Variants in LRP2 observed in about 807,000 individuals in gnomAD.
The protein encoded by LRP2 is LDL receptor related protein 2, also known as low-density lipoprotein receptor-related protein 2.
A neutral mutation model predicts 531.0 loss-of-function variants in LRP2; 172 were observed. The ratio of observed to expected loss-of-function variants is 0.32; its 90% CI spans 0.29 to 0.37. The LOEUF is 0.37. Ranked by LOEUF, LRP2 falls within the 10% of genes least tolerant of loss-of-function variation. The probability of loss-of-function intolerance (pLI) is 1.00; values close to 1 mark genes in which losing one functional copy is unlikely to be tolerated. For synonymous variants in LRP2, 1,992 were observed against 2,027.6 expected (o/e 0.98, Z 0.47); for missense variants, 5,167 against 5,868.3 (o/e 0.88, Z 3.90).
chr2:169,234,318 C>A (rs1689522885), intron 29 of LRP2, among the ~76,000 whole-genome samples: 1 of 151,982 alleles, frequency 6.6e-6, no homozygotes, highest in Admixed American at 6.6e-5. Context: ...ACTGACAGGC[C>A]CCGGTGTGTG....
At chr2:169,304,892 G>C (rs978612922) in intron 4 of LRP2, among the ~76,000 whole-genome samples, 22 of 152,056 alleles carry the variant, frequency 1.4e-4, no homozygotes, top group African/African-American at 5.1e-4. Context: ...CCCTAAAAAG[G>C]AACAAGTTCA....
intron 50 of LRP2, among the ~76,000 whole-genome samples, chr2:169,184,789 G>A (rs6744155): frequency 0.71 from 107,519 of 151,374 alleles, 38,432 homozygotes; most frequent in South Asian, 0.81. Context: ...TTGAGAAAGG[G>A]TCTCACTCTG....
chr2:169,142,580 T>C (rs1685761827), intron 71 of LRP2, 94 bp downstream of exon 71: 1 of 1,577,006 alleles, frequency 6.3e-7, no homozygotes, highest in South Asian at 1.1e-5. Context: ...CCCACTCTGC[T>C]GCAAAGGACC....
chr2:169,173,324 T>G (rs1467291537), intron 56 of LRP2, 100 bp from the exon 57 acceptor site: 7 of 1,463,956 alleles, frequency 4.8e-6, no homozygotes, highest in Non-Finnish European at 6.6e-6. Flanking sequence ...ACAATGACCA[T>G]GTTACCAAGC....
rs574814746 is a variant in LRP2 at position 169,226,090 on chromosome 2, C to T, written c.5394+332G>A. On this transcript the variant is annotated intron_variant, in intron 32 of 78. Coordinates refer to ENST00000649046, the MANE Select transcript of LRP2 (RefSeq NM_004525.3). ...ACTCCTCTAGGGGCAAGCATTGTGA[C>T]TGCTGCTTCTTGGCATGTATTCTGT... Among the ~76,000 whole-genome samples the T allele has an allele frequency of 1.9e-3, 288 of 152,342 alleles. 1 individual carries two copies. The highest frequency in any genetic ancestry group is 6.8e-3 in the Middle Eastern group (2 of 294).
intron 62 of LRP2, 31 bp from the exon 63 acceptor site, chr2:169,162,631 C>CT (rs1414123161): frequency 1.2e-6 from 2 of 1,612,642 alleles, no homozygotes; most frequent in African/African-American, 2.7e-5. Flanking sequence ...AAAATCAAAA[C>CT]TTTTTCTTTT....
At chr2:169,328,040 C>T (rs534143762) in intron 1 of LRP2, among the ~76,000 whole-genome samples, 5 of 142,498 alleles carry the variant, frequency 3.5e-5, no homozygotes, top group Admixed American at 2.7e-4. Context: ...CCTGCCCGGC[C>T]AGCCGCCCCG....
Position 169,185,633 on chromosome 2 carries a change from T to C in LRP2, c.9715A>G (p.Lys3239Glu), listed in dbSNP as rs1490907656. 2 of 1,614,190 alleles carry C rather than the reference T, an allele frequency of 1.2e-6. No individual in the cohort carries two copies. The highest frequency in any genetic ancestry group is 2.2e-5 in the East Asian group (1 of 44,886). ...VVALDFDRVE[K>E]RLYWIDTQRQ... Reference sequence around the variant, plus strand: ...TGTGTATCAATCCAATACAATCTCTTCTCTACTCGGTCAAAATCTAATGCC... The same window carrying C: ...TGTGTATCAATCCAATACAATCTCTCCTCTACTCGGTCAAAATCTAATGCC... The change falls in exon 50 of 79, where the codon AAG becomes GAG. Residue 3239 changes from lysine (K) to glutamate (E), a missense_variant. Coordinates refer to ENST00000649046, the MANE Select transcript of LRP2 (RefSeq NM_004525.3).
chr2:169,169,397 T>C (rs558751378), intron 60 of LRP2, among the ~76,000 whole-genome samples: 1 of 152,372 alleles, frequency 6.6e-6, no homozygotes, highest in Admixed American at 6.5e-5. Context: ...TGAATATTTT[T>C]TTACCTGAAA....
At chr2:169,295,965 A>G (rs1332421783) in intron 4 of LRP2, among the ~76,000 whole-genome samples, 1 of 152,042 alleles carries the variant, frequency 6.6e-6, no homozygotes, top group Non-Finnish European at 1.5e-5. Flanking sequence ...TTGAGTCTCA[A>G]TTTTGCACTT....
At chr2:169,278,483 C>CA (rs879544634) in intron 12 of LRP2, among the ~76,000 whole-genome samples, 352 of 145,978 alleles carry the variant, frequency 2.4e-3, no homozygotes, top group African/African-American at 6.7e-3. Context: ...GAACCTGTCT[C>CA]AAAAAAAAAA....
At chr2:169,344,194 C>T (rs1437844125) in intron 1 of LRP2, among the ~76,000 whole-genome samples, 7 of 152,004 alleles carry the variant, frequency 4.6e-5, no homozygotes, top group Admixed American at 1.3e-4. Flanking sequence ...TAAGCATGCA[C>T]ATGCCATGGT....
At chr2:169,244,548 T>C in intron 22 of LRP2, 145 bp downstream of exon 22, 1 of 1,104,794 alleles carries the variant, frequency 9.1e-7, no homozygotes, top group Admixed American at 1.9e-5. Flanking sequence ...TGTAACCTAT[T>C]GACACAGAGA....
chr2:169,190,603 T>A (rs982984810), intron 48 of LRP2, among the ~76,000 whole-genome samples: 11 of 152,204 alleles, frequency 7.2e-5, no homozygotes, highest in African/African-American at 2.2e-4. Flanking sequence ...ACTTAGTATA[T>A]CTTTCCCACT....
intron 4 of LRP2, among the ~76,000 whole-genome samples, chr2:169,296,916 A>G (rs997252272): frequency 1.3e-5 from 2 of 152,088 alleles, no homozygotes; most frequent in African/African-American, 4.8e-5. Context: ...TGACTTTTGG[A>G]ATGAGGAACA....
At chr2:169,308,778 G>C (rs1371808140) in intron 3 of LRP2, among the ~76,000 whole-genome samples, 1 of 152,142 alleles carries the variant, frequency 6.6e-6, no homozygotes, top group Non-Finnish European at 1.5e-5. Flanking sequence ...TCTAGTTCTA[G>C]ATCCTTGAGG....
chr2:169,296,295 G>A (rs938921721), intron 4 of LRP2, among the ~76,000 whole-genome samples: 9 of 152,000 alleles, frequency 5.9e-5, no homozygotes, highest in African/African-American at 2.2e-4. Flanking sequence ...TTAAATAGCT[G>A]GTTAAAATTT....
intron 46 of LRP2, among the ~76,000 whole-genome samples, chr2:169,196,206 T>C (rs1206205907): frequency 6.6e-6 from 1 of 152,128 alleles, no homozygotes; most frequent in East Asian, 1.9e-4. Context: ...TGTGGCTGCA[T>C]TTGAGTAAAA....
rs73971316 is a variant in LRP2, at chr2:169,201,488, C to A, written c.8452+140G>T. 3.2e-4 allele frequency: 340 copies of A among 1,061,268 alleles called. No homozygotes were observed. The African/African-American group carries it at 4.9e-3, about 15-fold the overall frequency. The allele number at this position is 1,061,268 out of a possible 1,614,324, so 65.7% of individuals were successfully genotyped here. On this transcript the variant is annotated intron_variant, in intron 44 of 78. Transcript: ENST00000649046. ...TGGTATTTGTTGATACTTGCTACCGCGCCTAGCCAAAAATTTACGTTTTAG... is the reference window on the plus strand; with the variant it reads ...TGGTATTTGTTGATACTTGCTACCGAGCCTAGCCAAAAATTTACGTTTTAG...
Sources: gnomAD v4.1 joint callset for allele counts (sites outside exome capture counted in the v4.1 genomes callset) on GRCh38, gnomAD v4.1.1 for gene constraint, MANE v1.5 for transcripts, NCBI Gene and HGNC (gene_info 2026-07-23, HGNC 2026-07-21) for gene names.